The following DPYD variants were observed in gnomAD, a reference collection of about 807,000 sequenced individuals.
DPYD encodes the protein dihydropyrimidine dehydrogenase [NADP(+)].
DPYD carries 109 observed loss-of-function variants against 116.2 expected under a neutral mutation model. That is an observed-to-expected ratio of 0.94 (90% CI 0.80 to 1.10). The LOEUF (loss-of-function observed/expected upper bound fraction) is 1.10, where lower values mean the gene tolerates loss of function less well. Ranked by LOEUF, DPYD falls within the 50% of genes least tolerant of loss-of-function variation. The probability of loss-of-function intolerance (pLI) is 0.00; values close to 1 mark genes in which losing one functional copy is unlikely to be tolerated. For missense variants in DPYD, 1,302 were observed against 1,254.5 expected, an observed-to-expected ratio of 1.04 and a Z score of -0.57; for synonymous variants, 440 against 432.0, an observed-to-expected ratio of 1.02 and a Z score of -0.23.
At chr1:97,110,041 C>T (rs1441468711) in intron 20 of DPYD, among the ~76,000 whole-genome samples, 3 of 152,040 alleles carry the variant, frequency 2.0e-5, no homozygotes, top group African/African-American at 7.2e-5. Context: ...CAACTCCAAG[C>T]CTAGTGCCAC....
At chr1:97,447,500 G>A (rs1476422395) in intron 14 of DPYD, among the ~76,000 whole-genome samples, 2 of 152,126 alleles carry the variant, frequency 1.3e-5, no homozygotes, top group Non-Finnish European at 2.9e-5. Context: ...TTCGATATGA[G>A]GAGTAAAAAT....
intron 19 of DPYD, among the ~76,000 whole-genome samples, chr1:97,218,627 G>A (rs1037102935): frequency 6.6e-6 from 1 of 150,952 alleles, no homozygotes; most frequent in Non-Finnish European, 1.5e-5. Flanking sequence ...TTCTAATCTT[G>A]GACGATGGTT....
chr1:97,336,295 T>C lies in DPYD; in HGVS notation c.2059-29998A>G, dbSNP rs532998186. Among the ~76,000 whole-genome samples the C allele has an allele frequency of 2.0e-5, 3 of 152,258 alleles. No individual in the cohort carries two copies. In the South Asian group the frequency reaches 6.2e-4, roughly 32 times the overall value. ...CAGTATCAATGAGCCCAAATCAATT[T>C]TGAAAGTTTTACAGCAGTTTTTAAA... is the stretch of plus-strand genomic sequence containing the variant. On this transcript the variant is annotated intron_variant, in intron 16 of 22. Transcript: ENST00000370192.
intron 18 of DPYD, among the ~76,000 whole-genome samples, chr1:97,246,994 A>G (rs566493181): frequency 8.5e-5 from 13 of 152,124 alleles, no homozygotes; most frequent in Non-Finnish European, 1.8e-4. Context: ...CTTTCTAGAG[A>G]TCATAAAGTT....
At chr1:97,419,381 C>G (rs914095100) in intron 14 of DPYD, among the ~76,000 whole-genome samples, 1 of 152,142 alleles carries the variant, frequency 6.6e-6, no homozygotes, top group African/African-American at 2.4e-5. Context: ...TGCTGTAGTT[C>G]CGGTTATCCC....
chr1:97,702,866 CATT>C (rs1661681852), intron 5 of DPYD, among the ~76,000 whole-genome samples: 2 of 151,656 alleles, frequency 1.3e-5, no homozygotes, highest in African/African-American at 4.8e-5. Context: ...GAGATGCAAA[CATT>C]GAATTATTTT....
chr1:97,826,284 T>A (rs6676451), intron 3 of DPYD, among the ~76,000 whole-genome samples: 124,087 of 152,168 alleles, frequency 0.82, 50,754 homozygotes, highest in East Asian at 0.98. Flanking sequence ...ATCTCTTCAT[T>A]TGAAGTTAAT....
At chr1:97,803,354 T>C (rs568401150) in intron 3 of DPYD, among the ~76,000 whole-genome samples, 1 of 152,092 alleles carries the variant, frequency 6.6e-6, no homozygotes, top group African/African-American at 2.4e-5. Flanking sequence ...GTTACTATAA[T>C]AATCTTGTTT....
intron 14 of DPYD, among the ~76,000 whole-genome samples, chr1:97,439,256 G>A (rs1349952164): frequency 6.6e-6 from 1 of 152,014 alleles, no homozygotes; most frequent in African/African-American, 2.4e-5. Context: ...CTCTAATTGT[G>A]GTATCAGGGT....
At chr1:97,434,995 T>C (rs867405418) in intron 14 of DPYD, among the ~76,000 whole-genome samples, 9 of 151,992 alleles carry the variant, frequency 5.9e-5, no homozygotes, top group African/African-American at 1.9e-4. Flanking sequence ...TAAATGGCTA[T>C]ACAAAACTAA....
At chr1:97,161,483 A>G (rs1655891895) in intron 20 of DPYD, among the ~76,000 whole-genome samples, 1 of 152,174 alleles carries the variant, frequency 6.6e-6, no homozygotes, top group Non-Finnish European at 1.5e-5. Context: ...AAGCCAATCA[A>G]CAAACAGCCA....
chr1:97,391,602 T>C (rs1672708920), intron 14 of DPYD, among the ~76,000 whole-genome samples: 1 of 152,056 alleles, frequency 6.6e-6, no homozygotes, highest in African/African-American at 2.4e-5. Context: ...CTGCTCTAGT[T>C]TATTTTCCAA....
intron 5 of DPYD, among the ~76,000 whole-genome samples, chr1:97,710,877 C>A (rs1324539151): frequency 2.6e-5 from 4 of 151,508 alleles, no homozygotes; most frequent in Non-Finnish European, 5.9e-5. Flanking sequence ...GGTAAACCCA[C>A]CTGAAAGAGA....
intron 20 of DPYD, among the ~76,000 whole-genome samples, chr1:97,116,888 C>G (rs1652005716): frequency 6.6e-6 from 1 of 151,738 alleles, no homozygotes. Context: ...GTGACTCACA[C>G]CTGTAATTCT....
At chr1:97,481,446 G>C (rs1041662166) in intron 13 of DPYD, among the ~76,000 whole-genome samples, 2 of 152,028 alleles carry the variant, frequency 1.3e-5, no homozygotes, top group African/African-American at 4.8e-5. Context: ...TCCACTTATA[G>C]GAGTCTATTC....
At chr1:97,912,862 A>C (rs1456566749) in intron 1 of DPYD, among the ~76,000 whole-genome samples, 1 of 152,086 alleles carries the variant, frequency 6.6e-6, no homozygotes, top group Non-Finnish European at 1.5e-5. Flanking sequence ...GGCATAGAGA[A>C]ATATCTGAAA....
At chr1:97,116,994 C>CAAAAAAAA (rs397784957) in intron 20 of DPYD, among the ~76,000 whole-genome samples, 2 of 107,184 alleles carry the variant, frequency 1.9e-5, no homozygotes, top group Non-Finnish European at 3.9e-5. Context: ...ACTAAAAATA[C>CAAAAAAAA]AAAAAAAAAA....
intron 3 of DPYD, among the ~76,000 whole-genome samples, chr1:97,802,897 T>C (rs1181838432): frequency 1.3e-5 from 2 of 151,878 alleles, no homozygotes; most frequent in Non-Finnish European, 2.9e-5. Context: ...ATTCACAACA[T>C]CTTTTCCTCA....
At chr1:97,420,974 C>G (rs2101697328) in intron 14 of DPYD, among the ~76,000 whole-genome samples, 1 of 152,250 alleles carries the variant, frequency 6.6e-6, no homozygotes, top group South Asian at 2.1e-4. Context: ...CTGCCTTCCC[C>G]CTTGAGATTG....
Sources: allele counts gnomAD v4.1 joint callset (sites outside exome capture counted in the v4.1 genomes callset), GRCh38; gene constraint gnomAD v4.1.1; transcripts MANE v1.5; gene names NCBI Gene and HGNC (gene_info 2026-07-23, HGNC 2026-07-21).